SEC24B: variants seen among roughly 807,000 people sequenced by gnomAD.
SEC24B encodes the protein protein transport protein Sec24B.
Under a neutral mutation model 142.8 loss-of-function variants are expected in SEC24B, and 45 were observed. The ratio of observed to expected loss-of-function variants is 0.32; its 90% CI spans 0.25 to 0.40. SEC24B has a LOEUF of 0.40. Among genes scored for constraint, SEC24B ranks in the 10% least tolerant of loss-of-function variants. SEC24B has a pLI of 1.00. For synonymous variants in SEC24B, 574 were observed against 568.2 expected (o/e 1.01, Z -0.15); for missense variants, 1,409 against 1,526.8 (o/e 0.92, Z 1.29).
At position 109,463,533 on chromosome 4, in the gene SEC24B, G is replaced by A; in HGVS notation, c.766G>A (p.Gly256Arg). The change falls in exon 2 of 24, where the codon GGA (glycine) becomes AGA (arginine). Residue 256 changes from glycine to arginine, a missense_variant. Gly to Arg is a moderately radical substitution (Grantham distance 125). Coordinates refer to ENST00000265175, the MANE Select transcript of SEC24B (RefSeq NM_006323.5). Reference sequence around the variant, plus strand: ...GCACCACCAGCAGCAAAGTCTTTCAGGATACAGTACTCTAACGTGGTCATC... The same window carrying A: ...GCACCACCAGCAGCAAAGTCTTTCAAGATACAGTACTCTAACGTGGTCATC... Reference protein sequence around the residue: ...QQHHQQQSLSGYSTLTWSSPG... With the variant: ...QQHHQQQSLSRYSTLTWSSPG... 1.2e-6 allele frequency: 2 copies of A among 1,614,112 alleles called. No individual in the cohort carries two copies. The highest frequency in any genetic ancestry group is 1.7e-6 in the Non-Finnish European group (2 of 1,180,028).
At chr4:109,512,965 C>A (rs1343879204) in intron 9 of SEC24B, among the ~76,000 whole-genome samples, 1 of 142,228 alleles carries the variant, frequency 7.0e-6, no homozygotes, top group Non-Finnish European at 1.5e-5. Context: ...TGCACCTAAG[C>A]CTGATCTTTT....
chr4:109,516,358 GAAA>G (rs1206688544), intron 10 of SEC24B, among the ~76,000 whole-genome samples, 167 bp from the exon 11 acceptor site: 2 of 151,528 alleles, frequency 1.3e-5, no homozygotes, highest in African/African-American at 4.8e-5. Flanking sequence ...CAACTAAAAA[GAAA>G]AAAAATTAAA....
At chr4:109,467,067 C>G (rs974781004) in intron 2 of SEC24B, among the ~76,000 whole-genome samples, 1 of 151,782 alleles carries the variant, frequency 6.6e-6, no homozygotes, top group Non-Finnish European at 1.5e-5. Flanking sequence ...TGGCTCACGC[C>G]TGTAATCCCA....
chr4:109,521,055 T>A (rs898898616), intron 12 of SEC24B, 62 bp from the exon 13 acceptor site: 25 of 1,078,184 alleles, frequency 2.3e-5, no homozygotes, highest in Admixed American at 7.8e-5. Context: ...TGATAAAAAC[T>A]AAGATTTTCT....
Position 109,526,240 on chromosome 4 carries a change from A to T in SEC24B, c.2806A>T (p.Thr936Ser). ...CTCCTTTTTAGGTCTTTCAATGCAC[A>T]CTTTTCACGGTAACTTCTTTGTCCG... ...IRCTKGLSMH[T>S]FHGNFFVRST... Residue 936 changes from threonine (T) to serine (S), a missense_variant, in exon 17 of 24, where the codon ACT (threonine) becomes TCT (serine). Around this residue, in one of 2 missense-constraint regions of SEC24B, gnomAD observed 700 missense variants for 853.3 expected, o/e 0.82. Transcript: ENST00000265175. 1.2e-6 allele frequency: 2 copies of T among 1,613,782 alleles called. No individual in the cohort carries two copies. The highest frequency in any genetic ancestry group is 1.7e-6 in the Non-Finnish European group (2 of 1,179,896).
At chr4:109,467,018 C>T (rs763889495) in intron 2 of SEC24B, among the ~76,000 whole-genome samples, 2 of 152,052 alleles carry the variant, frequency 1.3e-5, no homozygotes, top group Non-Finnish European at 2.9e-5. Flanking sequence ...ACTAGAACTT[C>T]AATTATTTTA....
intron 4 of SEC24B, among the ~76,000 whole-genome samples, chr4:109,484,282 T>C (rs1351794208): frequency 1.3e-5 from 2 of 152,234 alleles, no homozygotes; most frequent in Non-Finnish European, 2.9e-5. Context: ...TGAGGTTTCC[T>C]CATGATTAGA....
Position 109,532,716 on chromosome 4 carries a change from A to G in SEC24B, c.3468A>G (p.Glu1156=). The part of the protein sequence containing the change: ...QKLSAEKLTR[E]GAFLMDCGSV... ...TGTCTGCAGAGAAGCTGACAAGAGA[A>G]GGTGCTTTCCTTATGGACTGTGGCT... The change falls in exon 21 of 24, where the codon GAA becomes GAG. Residue 1156 remains glutamate, a synonymous_variant. Coordinates refer to ENST00000265175, the MANE Select transcript of SEC24B (RefSeq NM_006323.5). 6.2e-7 allele frequency: 1 copy of G among 1,605,900 alleles called. No homozygotes were observed. The highest frequency in any genetic ancestry group is 8.5e-7 in the Non-Finnish European group (1 of 1,172,474).
intron 18 of SEC24B, 75 bp downstream of exon 18, chr4:109,527,507 G>T: frequency 9.4e-7 from 1 of 1,059,926 alleles, no homozygotes. Flanking sequence ...GTGGCAGTGC[G>T]TCCGCCTGTA....
chr4:109,470,135 C>G (rs944957901), intron 2 of SEC24B, among the ~76,000 whole-genome samples: 1 of 152,182 alleles, frequency 6.6e-6, no homozygotes, highest in African/African-American at 2.4e-5. Context: ...ACAGGAAACT[C>G]TTAGACACTC....
intron 1 of SEC24B, among the ~76,000 whole-genome samples, chr4:109,445,967 C>CTTT (rs34601695): frequency 1.7e-3 from 226 of 130,932 alleles, no homozygotes; most frequent in Middle Eastern, 0.015. Context: ...TTCTAAGATG[C>CTTT]TTTTTTTTTT....
intron 1 of SEC24B, among the ~76,000 whole-genome samples, chr4:109,441,384 A>G (rs1429332895): frequency 1.3e-5 from 2 of 152,226 alleles, no homozygotes; most frequent in East Asian, 1.9e-4. Flanking sequence ...ATATGTAGAA[A>G]AGCAAGGTAT....
At chr4:109,481,817 C>T in intron 4 of SEC24B, 36 bp downstream of exon 4, 1 of 1,499,432 alleles carries the variant, frequency 6.7e-7, no homozygotes, top group Non-Finnish European at 9.2e-7. Flanking sequence ...TTGATCTTTT[C>T]CTGCTCAAGT....
intron 10 of SEC24B, among the ~76,000 whole-genome samples, chr4:109,515,697 T>C (rs1578956712): frequency 6.6e-6 from 1 of 152,196 alleles, no homozygotes; most frequent in Non-Finnish European, 1.5e-5. Flanking sequence ...AGCCATCCTT[T>C]ACCCATCACC....
rs1309726202 is a variant in SEC24B at position 109,510,967 on chromosome 4, T to A, written c.1776+856T>A. 2.6e-5 allele frequency among the ~76,000 whole-genome samples: 4 copies of A among 152,086 alleles called. No individual in the cohort carries two copies. In the East Asian group the frequency reaches 7.7e-4, roughly 29 times the overall value. ...TGAAGCTTACTTTACTACCAGGAAG[T>A]ATAGAAAAGATCAAAATGAATAGAA... On this transcript the variant is annotated intron_variant, in intron 8 of 23. Coordinates refer to ENST00000265175, the MANE Select transcript of SEC24B (RefSeq NM_006323.5).
chr4:109,519,742 C>T (rs1723403173), intron 11 of SEC24B, among the ~76,000 whole-genome samples: 1 of 152,230 alleles, frequency 6.6e-6, no homozygotes, highest in African/African-American at 2.4e-5. Flanking sequence ...ATACCCTGAT[C>T]AGTCATCCAT....
chr4:109,504,138 A>G (rs996415101), intron 6 of SEC24B, among the ~76,000 whole-genome samples: 1 of 152,110 alleles, frequency 6.6e-6, no homozygotes, highest in Non-Finnish European at 1.5e-5. Context: ...ATGGGTCCAC[A>G]CTGCCTACCA....
At chr4:109,482,940 A>G (rs1334774325) in intron 4 of SEC24B, among the ~76,000 whole-genome samples, 12 of 18,312 alleles carry the variant, frequency 6.6e-4, no homozygotes, top group African/African-American at 2.2e-3. Context: ...CTTGTACTAT[A>G]TATATATATA....
intron 4 of SEC24B, among the ~76,000 whole-genome samples, chr4:109,488,150 T>C (rs1734579168): frequency 6.6e-6 from 1 of 152,206 alleles, no homozygotes; most frequent in African/African-American, 2.4e-5. Context: ...ATTTAAGTTG[T>C]GCTGTTCTGC....
Sources: gnomAD v4.1 joint callset for allele counts (sites outside exome capture counted in the v4.1 genomes callset) on GRCh38, gnomAD v4.1.1 for gene constraint, gnomAD v4.1.1 regional missense constraint, MANE v1.5 for transcripts, NCBI Gene and HGNC (gene_info 2026-07-23, HGNC 2026-07-21) for gene names.